Variants in KAZN observed in about 807,000 individuals in gnomAD.
KAZN encodes the protein kazrin, periplakin interacting protein.
KAZN carries 40 observed loss-of-function variants against 87.4 expected under a neutral mutation model. The observed-to-expected ratio is 0.46, with a 90% CI of 0.36 to 0.60. The LOEUF is 0.60. Ranked by LOEUF, KAZN falls within the 20% of genes least tolerant of loss-of-function variation. The probability of loss-of-function intolerance (pLI) is 0.00; values close to 1 mark genes in which losing one functional copy is unlikely to be tolerated. For missense variants in KAZN, 898 were observed against 1,073.9 expected, an observed-to-expected ratio of 0.84 and a Z score of 2.29; for synonymous variants, 466 against 458.3, an observed-to-expected ratio of 1.02 and a Z score of -0.22.
chr1:14,665,652 TG>T (rs1169442461), intron 1 of KAZN, among the ~76,000 whole-genome samples: 4 of 152,002 alleles, frequency 2.6e-5, no homozygotes, highest in Non-Finnish European at 5.9e-5. Flanking sequence ...TCCGTTTCCC[TG>T]ATATGAAAAG....
chr1:14,348,841 C>CT lies in KAZN; in HGVS notation c.249+168252dup, dbSNP rs1029811924. 2.6e-5 allele frequency: 4 copies of CT among 152,180 alleles called. No individual in the cohort carries two copies. The East Asian group carries it at 5.8e-4, about 22-fold the overall frequency. The allele number at this position is 152,180 out of a possible 1,614,324, so 9.4% of individuals were successfully genotyped here. On this transcript the variant is annotated intron_variant, in intron 2 of 16. Coordinates refer to the KAZN transcript ENST00000636203. ...GGCTACAGAGTGATTCAATGAAGGA[C>CT]TTTAAGTTTATCAAAGGTTCTACCT...
At chr1:14,885,919 A>G (rs914366259) in intron 1 of KAZN, among the ~76,000 whole-genome samples, 1 of 152,148 alleles carries the variant, frequency 6.6e-6, no homozygotes, top group Non-Finnish European at 1.5e-5. Context: ...TCCATGATGT[A>G]CATAGCCAGG....
intron 1 of KAZN, among the ~76,000 whole-genome samples, chr1:14,777,435 T>C (rs1228605411): frequency 6.6e-6 from 1 of 152,106 alleles, no homozygotes; most frequent in African/African-American, 2.4e-5. Context: ...CACCATGAAG[T>C]ACAACTTCTC....
At chr1:14,466,073 G>A (rs978427920) in intron 2 of KAZN, among the ~76,000 whole-genome samples, 1 of 152,182 alleles carries the variant, frequency 6.6e-6, no homozygotes, top group Non-Finnish European at 1.5e-5. Context: ...TAAATAGGAA[G>A]CTATATCATT....
intron 1 of KAZN, among the ~76,000 whole-genome samples, chr1:13,923,975 G>A (rs895311176): frequency 2.6e-5 from 4 of 151,844 alleles, no homozygotes; most frequent in African/African-American, 4.8e-5. Context: ...TGGATGGCCC[G>A]TCGGGCAGAG....
chr1:14,849,938 CTT>C (rs574691073), intron 1 of KAZN, among the ~76,000 whole-genome samples: 7 of 143,164 alleles, frequency 4.9e-5, no homozygotes, highest in Non-Finnish European at 7.6e-5. Context: ...TCTACCCCCC[CTT>C]TTTTTTTTTT....
At chr1:14,619,497 G>T (rs576077979) in intron 1 of KAZN, among the ~76,000 whole-genome samples, 2 of 152,160 alleles carry the variant, frequency 1.3e-5, no homozygotes, top group South Asian at 2.1e-4. Flanking sequence ...ACTGTGCCAG[G>T]CATTGAATCA....
chr1:14,094,534 A>T (rs1644083362), intron 1 of KAZN, among the ~76,000 whole-genome samples: 1 of 152,242 alleles, frequency 6.6e-6, no homozygotes, highest in Non-Finnish European at 1.5e-5. Flanking sequence ...ACTGTTCAGC[A>T]CCTTAAAAGA....
chr1:14,598,940 C>T lies in KAZN; in HGVS notation c.-58C>T, dbSNP rs1331197813. The T allele has an allele frequency of 8.4e-6, 13 of 1,556,142 alleles. No individual in the cohort carries two copies. The highest frequency in any genetic ancestry group is 1.0e-5 in the Non-Finnish European group (12 of 1,155,620). On this transcript the variant is annotated 5_prime_UTR_variant, in exon 1 of 15. Transcript: ENST00000376030. The surrounding 1 kb of genome is among the most constrained non-coding windows in gnomAD (Gnocchi z 4.2). The stretch of plus-strand genomic sequence containing the variant: ...AGCCGGGGGTGCCCGGCCGCGCGCC[C>T]CCCGCGCATCATGCAGCTCTTTGTC...
intron 1 of KAZN, among the ~76,000 whole-genome samples, chr1:14,818,075 C>T (rs1261757047): frequency 6.6e-6 from 1 of 152,244 alleles, no homozygotes; most frequent in Non-Finnish European, 1.5e-5. Flanking sequence ...GCATACCTAA[C>T]ATCATCCTTC....
intron 1 of KAZN, among the ~76,000 whole-genome samples, chr1:14,628,077 T>C (rs956964433): frequency 6.6e-6 from 1 of 152,212 alleles, no homozygotes; most frequent in African/African-American, 2.4e-5. Flanking sequence ...AAAATCAGTG[T>C]GTTCTCTGCG....
chr1:15,111,234 G>T (rs1163354506), intron 13 of KAZN, among the ~76,000 whole-genome samples: 1 of 151,302 alleles, frequency 6.6e-6, no homozygotes, highest in African/African-American at 2.4e-5. Context: ...CTTCTCTGAG[G>T]CAGCTTAAAA....
chr1:14,899,598 GA>G (rs747853634), intron 1 of KAZN, among the ~76,000 whole-genome samples: 16 of 152,290 alleles, frequency 1.1e-4, no homozygotes, highest in South Asian at 1.0e-3. Flanking sequence ...AATGTCCCAA[GA>G]AAGTTGAAAG....
At chr1:14,369,331 T>C (rs563897714) in intron 2 of KAZN, among the ~76,000 whole-genome samples, 1 of 152,194 alleles carries the variant, frequency 6.6e-6, no homozygotes, top group Non-Finnish European at 1.5e-5. Flanking sequence ...ACTTTAACAC[T>C]ATCCAAGTGC....
chr1:14,309,410 C>T (rs149308122), intron 2 of KAZN, among the ~76,000 whole-genome samples: 197 of 152,296 alleles, frequency 1.3e-3, no homozygotes, highest in African/African-American at 4.6e-3. Flanking sequence ...CAGAGGACCT[C>T]AGTGTCCAGC....
intron 2 of KAZN, among the ~76,000 whole-genome samples, chr1:14,239,451 G>GGTTT (rs1337342923): frequency 1.8e-5 from 2 of 110,630 alleles, no homozygotes; most frequent in Admixed American, 1.0e-4. Context: ...CATAAGTTGG[G>GGTTT]TTTCTTTTTT....
At chr1:14,078,460 C>T (rs1053874090) in intron 1 of KAZN, among the ~76,000 whole-genome samples, 1 of 152,174 alleles carries the variant, frequency 6.6e-6, no homozygotes, top group South Asian at 2.1e-4. Context: ...AAGAGAGGGA[C>T]CAAATCTGTC....
Position 15,099,967 on chromosome 1 carries a change from G to GGTGACA in KAZN, c.1548-1565_1548-1560dup, listed in dbSNP as rs1640982391. Among the ~76,000 whole-genome samples the GGTGACA allele has an allele frequency of 6.6e-6, 1 of 152,118 alleles. No homozygotes were observed. The highest frequency in any genetic ancestry group is 2.4e-5 in the African/African-American group (1 of 41,412). ...TGACAGAGAAGGGCCCCTGGGTGAC[G>GGTGACA]GTGACAGTGACAGTGAAGGGGAACA... On this transcript the variant is annotated intron_variant, in intron 10 of 14. Coordinates refer to ENST00000376030, the MANE Select transcript of KAZN (RefSeq NM_201628.3). The surrounding 1 kb of genome is among the most constrained non-coding windows in gnomAD (Gnocchi z 5.4).
rs547771732 is a variant in KAZN, at chr1:14,306,285, G to A, written c.249+125693G>A. 2.0e-5 allele frequency among the ~76,000 whole-genome samples: 3 copies of A among 152,242 alleles called. No individual in the cohort carries two copies. In the East Asian group the frequency reaches 5.8e-4, roughly 29 times the overall value. ...GCTCCCCTGATGTGCTCTCTGAAAGGGTATTTGGTAAAGGCCAATGTATTG... is the reference window on the plus strand; with the variant it reads ...GCTCCCCTGATGTGCTCTCTGAAAGAGTATTTGGTAAAGGCCAATGTATTG... On this transcript the variant is annotated intron_variant, in intron 2 of 16. Coordinates refer to the KAZN transcript ENST00000636203.
Sources: allele counts gnomAD v4.1 joint callset (sites outside exome capture counted in the v4.1 genomes callset), GRCh38; gene constraint gnomAD v4.1.1; non-coding constraint Gnocchi (gnomAD v3.1); transcripts MANE v1.5; gene names NCBI Gene and HGNC (gene_info 2026-07-23, HGNC 2026-07-21).